ASIC2: variants seen among roughly 807,000 people sequenced by gnomAD.
ASIC2 encodes the protein acid-sensing ion channel 2.
A neutral mutation model predicts 57.3 loss-of-function variants in ASIC2; 25 were observed. The ratio of observed to expected loss-of-function variants is 0.44; its 90% CI spans 0.32 to 0.61. The LOEUF is 0.61. Ranked by LOEUF, ASIC2 falls within the 20% of genes least tolerant of loss-of-function variation. The probability of loss-of-function intolerance (pLI) is 0.06; values close to 1 mark genes in which losing one functional copy is unlikely to be tolerated. For missense variants in ASIC2, 641 were observed against 738.1 expected, an observed-to-expected ratio of 0.87 and a Z score of 1.52; for synonymous variants, 319 against 307.5, an observed-to-expected ratio of 1.04 and a Z score of -0.39.
intron 1 of ASIC2, among the ~76,000 whole-genome samples, chr17:33,521,295 A>C (rs945442822): frequency 6.6e-6 from 1 of 152,030 alleles, no homozygotes; most frequent in Non-Finnish European, 1.5e-5. Context: ...AAATTGAATG[A>C]ATTATTTGGC....
intron 1 of ASIC2, among the ~76,000 whole-genome samples, chr17:34,121,421 C>T (rs558768348): frequency 7.2e-5 from 11 of 152,260 alleles, no homozygotes; most frequent in African/African-American, 2.2e-4. Flanking sequence ...ACCCCTCCCT[C>T]GTCTCTCCCA....
intron 1 of ASIC2, among the ~76,000 whole-genome samples, chr17:33,307,289 CTTCTTCTTCTTCTTCTTT>C (rs930089018): frequency 1.9e-4 from 29 of 151,108 alleles, no homozygotes; most frequent in Admixed American, 1.8e-3. Flanking sequence ...TCTTCTTCTT[CTTCTTCTTCTTCTTCTTT>C]TTCTTCTTCG....
intron 1 of ASIC2, among the ~76,000 whole-genome samples, chr17:33,879,867 T>A (rs1021826192): frequency 6.6e-6 from 1 of 152,182 alleles, no homozygotes; most frequent in Admixed American, 6.5e-5. Flanking sequence ...AAAGCTCTCC[T>A]CAGAAAATGT....
intron 1 of ASIC2, among the ~76,000 whole-genome samples, chr17:34,045,844 C>T (rs1388432270): frequency 2.0e-5 from 3 of 152,194 alleles, no homozygotes; most frequent in Non-Finnish European, 4.4e-5. Flanking sequence ...CCATTCCTCG[C>T]ATTAAAAGAT....
Position 33,293,059 on chromosome 17 carries a change from C to G in ASIC2, c.-944G>C. 1 of 984,978 alleles carries G rather than the reference C, an allele frequency of 1.0e-6. No homozygotes were observed. The allele number at this position is 984,978 out of a possible 1,614,324, so 61.0% of individuals were successfully genotyped here. On this transcript the variant is annotated 5_prime_UTR_variant, in exon 1 of 10. Transcript: ENST00000225823. ...CTCTCTGCCCCCGCGGCGACAAGAG[C>G]TGGGGACTGCGGGGACCCGCCAACA...
intron 1 of ASIC2, among the ~76,000 whole-genome samples, chr17:34,022,935 T>G (rs1907234616): frequency 6.6e-6 from 1 of 152,158 alleles, no homozygotes; most frequent in South Asian, 2.1e-4. Flanking sequence ...GAGTGAGTTC[T>G]CATGATATCT....
intron 1 of ASIC2, among the ~76,000 whole-genome samples, chr17:33,771,723 A>AT (rs1247442536): frequency 6.6e-6 from 1 of 151,960 alleles, no homozygotes; most frequent in Non-Finnish European, 1.5e-5. Context: ...GGTGTTATTC[A>AT]TTTTTTTAAT....
At chr17:34,107,975 C>G (rs914120439) in intron 1 of ASIC2, among the ~76,000 whole-genome samples, 1 of 149,306 alleles carries the variant, frequency 6.7e-6, no homozygotes, top group Non-Finnish European at 1.5e-5. Flanking sequence ...TATCCAATTT[C>G]ACTATTTTCC....
At chr17:33,550,578 ACT>A (rs1207071714) in intron 1 of ASIC2, among the ~76,000 whole-genome samples, 1 of 152,054 alleles carries the variant, frequency 6.6e-6, no homozygotes, top group African/African-American at 2.4e-5. Context: ...AGAGCCAGAC[ACT>A]CTAGGTTTGG....
chr17:33,816,374 C>T (rs1004761059), intron 1 of ASIC2, among the ~76,000 whole-genome samples: 4 of 152,164 alleles, frequency 2.6e-5, no homozygotes, highest in Non-Finnish European at 5.9e-5. Flanking sequence ...ATGAATAAAA[C>T]CCACACTGTT....
At chr17:33,038,681 C>A (rs1020835591) in intron 3 of ASIC2, among the ~76,000 whole-genome samples, 2 of 152,154 alleles carry the variant, frequency 1.3e-5, no homozygotes, top group African/African-American at 4.8e-5. Flanking sequence ...GATTAAATAC[C>A]CTGGTGCATG....
At chr17:33,672,002 T>C (rs1567684998) in intron 1 of ASIC2, among the ~76,000 whole-genome samples, 1 of 152,166 alleles carries the variant, frequency 6.6e-6, no homozygotes, top group African/African-American at 2.4e-5. Flanking sequence ...CAGTTCACTT[T>C]TCCCCCCCTA....
At chr17:33,769,429 C>A (rs376181227) in intron 1 of ASIC2, among the ~76,000 whole-genome samples, 4 of 152,132 alleles carry the variant, frequency 2.6e-5, no homozygotes. Context: ...GCCAAGTAGA[C>A]GGAGTGCCCC....
intron 1 of ASIC2, among the ~76,000 whole-genome samples, chr17:33,821,316 G>C (rs528022595): frequency 1.6e-4 from 25 of 152,260 alleles, no homozygotes; most frequent in African/African-American, 6.0e-4. Flanking sequence ...CCATCTTACT[G>C]GTTCAAAACA....
At chr17:33,837,261 C>G (rs369499790) in intron 1 of ASIC2, among the ~76,000 whole-genome samples, 1 of 152,182 alleles carries the variant, frequency 6.6e-6, no homozygotes, top group African/African-American at 2.4e-5. Context: ...GGGACAGTCC[C>G]GAAGGCCTAA....
chr17:33,946,069 A>C (rs1184029768), intron 1 of ASIC2, among the ~76,000 whole-genome samples: 2 of 152,176 alleles, frequency 1.3e-5, no homozygotes, highest in African/African-American at 4.8e-5. Flanking sequence ...TGATTAAGGC[A>C]CTATGCACCT....
intron 1 of ASIC2, among the ~76,000 whole-genome samples, chr17:33,472,428 T>C (rs555239952): frequency 9.2e-5 from 14 of 152,320 alleles, no homozygotes; most frequent in South Asian, 6.2e-4. Flanking sequence ...AAGTAGGTAT[T>C]ATGGCACCAT....
At chr17:34,149,020 A>C (rs1257485142) in intron 1 of ASIC2, among the ~76,000 whole-genome samples, 3 of 152,322 alleles carry the variant, frequency 2.0e-5, no homozygotes, top group African/African-American at 7.2e-5. Flanking sequence ...GAGTACTCCC[A>C]AAATGCTAAA....
At chr17:33,536,227 T>C (rs1285928893) in intron 1 of ASIC2, among the ~76,000 whole-genome samples, 2 of 152,202 alleles carry the variant, frequency 1.3e-5, no homozygotes, top group East Asian at 3.8e-4. Context: ...GGCACTAGCA[T>C]ATACTCAATG....
Sources: gnomAD v4.1 joint callset for allele counts (sites outside exome capture counted in the v4.1 genomes callset) on GRCh38, gnomAD v4.1.1 for gene constraint, MANE v1.5 for transcripts, NCBI Gene and HGNC (gene_info 2026-07-23, HGNC 2026-07-21) for gene names.